The following ROR1 variants were observed in gnomAD, a reference collection of about 807,000 sequenced individuals.
The protein encoded by ROR1 is ROR family WNT receptor 1.
A neutral mutation model predicts 78.8 loss-of-function variants in ROR1; 19 were observed. The ratio of observed to expected loss-of-function variants is 0.24; its 90% CI spans 0.17 to 0.35. The LOEUF (loss-of-function observed/expected upper bound fraction) is 0.35, where lower values mean the gene tolerates loss of function less well. Among genes scored for constraint, ROR1 ranks in the 10% least tolerant of loss-of-function variants. ROR1 has a pLI of 1.00. For synonymous variants in ROR1, 386 were observed against 433.6 expected, an observed-to-expected ratio of 0.89 and a Z score of 1.36; for missense variants, 917 against 1,177.8, an observed-to-expected ratio of 0.78 and a Z score of 3.24.
chr1:63,798,314 C>T (rs1279204155), intron 1 of ROR1, among the ~76,000 whole-genome samples: 1 of 152,078 alleles, frequency 6.6e-6, no homozygotes, highest in East Asian at 1.9e-4. Flanking sequence ...CAATAAGACG[C>T]CCCACTTTTT....
At chr1:64,019,004 A>T (rs1342283893) in intron 2 of ROR1, among the ~76,000 whole-genome samples, 2 of 152,088 alleles carry the variant, frequency 1.3e-5, no homozygotes, top group African/African-American at 4.8e-5. Context: ...CCTCAGCTGT[A>T]ATTGGTATCA....
At chr1:63,842,475 C>A (rs190318611) in intron 1 of ROR1, among the ~76,000 whole-genome samples, 1 of 152,242 alleles carries the variant, frequency 6.6e-6, no homozygotes, top group East Asian at 1.9e-4. Flanking sequence ...GAACCCAAAT[C>A]TTTTATATTG....
chr1:64,076,541 G>A (rs1443095170), intron 4 of ROR1, among the ~76,000 whole-genome samples: 2 of 152,016 alleles, frequency 1.3e-5, no homozygotes, highest in South Asian at 2.1e-4. Context: ...AACAAAATTG[G>A]CATGCAGCCA....
chr1:64,088,558 T>A (rs1647171062), intron 4 of ROR1, among the ~76,000 whole-genome samples: 1 of 128,738 alleles, frequency 7.8e-6, no homozygotes, highest in South Asian at 2.8e-4. Context: ...GATCTAGTCT[T>A]CCCTGAGCCA....
intron 1 of ROR1, among the ~76,000 whole-genome samples, chr1:63,837,700 A>G (rs1645026761): frequency 6.6e-6 from 1 of 152,192 alleles, no homozygotes; most frequent in African/African-American, 2.4e-5. Context: ...GTGTTCCTGT[A>G]GTCCCAGCTA....
At chr1:64,167,482 C>T (rs1019681148) in intron 8 of ROR1, among the ~76,000 whole-genome samples, 2 of 152,222 alleles carry the variant, frequency 1.3e-5, no homozygotes, top group Non-Finnish European at 2.9e-5. Context: ...CCAGAAGGCA[C>T]TTAATCCAGC....
chr1:64,095,216 A>G (rs750384969), intron 4 of ROR1: 10 of 152,182 alleles, frequency 6.6e-5, no homozygotes, highest in Admixed American at 5.2e-4. Context: ...TGGACAGAAA[A>G]TGTAAAATAG....
rs112714660 is a variant in ROR1 at position 63,781,405 on chromosome 1, G to C, written c.91+6897G>C. On this transcript the variant is annotated intron_variant, in intron 1 of 8. Coordinates refer to ENST00000371079, the MANE Select transcript of ROR1 (RefSeq NM_005012.4). ...GAAGGTAAGTATCTCAGCCAAATTC[G>C]TACAATGATTAAGTTGGGATTTGGG... Among the ~76,000 whole-genome samples, 579 of 152,220 alleles carry C rather than the reference G, an allele frequency of 3.8e-3. 5 individuals are homozygous for C. The highest frequency in any genetic ancestry group is 0.013 in the African/African-American group (548 of 41,524).
At chr1:63,866,756 G>T (rs1374274251) in intron 1 of ROR1, among the ~76,000 whole-genome samples, 1 of 152,160 alleles carries the variant, frequency 6.6e-6, no homozygotes, top group African/African-American at 2.4e-5. Context: ...TATTAAGAAG[G>T]CTTTATAGAG....
intron 1 of ROR1, among the ~76,000 whole-genome samples, chr1:63,847,725 A>T (rs1281088019): frequency 6.6e-6 from 1 of 152,246 alleles, no homozygotes; most frequent in African/African-American, 2.4e-5. Flanking sequence ...TTCCTGCCAT[A>T]TTAAAATACA....
intron 1 of ROR1, among the ~76,000 whole-genome samples, chr1:63,857,488 C>G (rs1051519866): frequency 6.6e-6 from 1 of 152,144 alleles, no homozygotes; most frequent in South Asian, 2.1e-4. Flanking sequence ...ATCTGAAGTG[C>G]CTTTTCCATG....
At chr1:64,145,453 T>C (rs1649448533) in intron 7 of ROR1, among the ~76,000 whole-genome samples, 1 of 152,240 alleles carries the variant, frequency 6.6e-6, no homozygotes, top group Admixed American at 6.5e-5. Context: ...AAAATGGTTT[T>C]ACGGAAAGTT....
intron 1 of ROR1, among the ~76,000 whole-genome samples, chr1:63,924,293 T>C (rs1489429262): frequency 6.6e-6 from 1 of 152,168 alleles, no homozygotes; most frequent in East Asian, 1.9e-4. Flanking sequence ...CTGGCCAGGG[T>C]TACAGCACTA....
chr1:63,778,249 A>G (rs1644629314), intron 1 of ROR1, among the ~76,000 whole-genome samples: 2 of 152,218 alleles, frequency 1.3e-5, no homozygotes, highest in African/African-American at 4.8e-5. Context: ...GAAATTAAGG[A>G]TATGTGAACT....
intron 1 of ROR1, among the ~76,000 whole-genome samples, chr1:63,853,298 A>G (rs1424368717): frequency 5.9e-5 from 9 of 152,114 alleles, no homozygotes; most frequent in Non-Finnish European, 1.0e-4. Context: ...ATACCCTAGT[A>G]AGTACTATTG....
intron 1 of ROR1, among the ~76,000 whole-genome samples, chr1:64,008,390 G>A (rs1284117356): frequency 6.6e-6 from 1 of 152,136 alleles, no homozygotes; most frequent in African/African-American, 2.4e-5. Context: ...TTGATTCCAT[G>A]TCTTCGCTAT....
chr1:63,931,658 C>T (rs1239966154), intron 1 of ROR1, among the ~76,000 whole-genome samples: 2 of 152,158 alleles, frequency 1.3e-5, no homozygotes, highest in Non-Finnish European at 2.9e-5. Flanking sequence ...TCCTGCGTAT[C>T]TAAGCTGTCT....
At chr1:63,983,086 G>T (rs1646223217) in intron 1 of ROR1, among the ~76,000 whole-genome samples, 1 of 152,282 alleles carries the variant, frequency 6.6e-6, no homozygotes, top group South Asian at 2.1e-4. Context: ...AAATGGTAAA[G>T]AAACTGACTT....
chr1:63,952,805 G>C (rs1283996231), intron 1 of ROR1, among the ~76,000 whole-genome samples: 1 of 152,088 alleles, frequency 6.6e-6, no homozygotes, highest in East Asian at 1.9e-4. Context: ...TGATGGAAGG[G>C]GTAGAGGATC....
Sources: gnomAD v4.1 joint callset for allele counts (sites outside exome capture counted in the v4.1 genomes callset) on GRCh38, gnomAD v4.1.1 for gene constraint, MANE v1.5 for transcripts, NCBI Gene and HGNC (gene_info 2026-07-23, HGNC 2026-07-21) for gene names.